The following SLC9A9 variants were observed in gnomAD, a reference collection of about 807,000 sequenced individuals.
The protein encoded by SLC9A9 is sodium/hydrogen exchanger 9.
In SLC9A9, 62 loss-of-function variants were observed where a neutral mutation model predicts 77.8. That is an observed-to-expected ratio of 0.80 (90% CI 0.65 to 0.98). The LOEUF (loss-of-function observed/expected upper bound fraction) is 0.98, where lower values mean the gene tolerates loss of function less well. SLC9A9 is among the 50% of genes least tolerant of loss of function. The pLI, the probability that SLC9A9 is intolerant of heterozygous loss-of-function variation, is 0.00. For missense variants in SLC9A9, 775 were observed against 774.9 expected (o/e 1.00, Z 0.00); for synonymous variants, 320 against 283.5 (o/e 1.13, Z -1.29).
At chr3:143,814,176 G>A (rs1446749678) in intron 2 of SLC9A9, among the ~76,000 whole-genome samples, 2 of 152,140 alleles carry the variant, frequency 1.3e-5, no homozygotes, top group Non-Finnish European at 2.9e-5. Flanking sequence ...GGCTGAGGAG[G>A]AGCTGACTCA....
chr3:143,374,082 A>G (rs1313633718), intron 13 of SLC9A9, among the ~76,000 whole-genome samples: 1 of 152,142 alleles, frequency 6.6e-6, no homozygotes, highest in Non-Finnish European at 1.5e-5. Flanking sequence ...GACAGAGCAT[A>G]TTATGTTCCA....
At chr3:143,503,708 C>T in intron 9 of SLC9A9, 1 of 374,672 alleles carries the variant, frequency 2.7e-6, no homozygotes, top group Non-Finnish European at 5.2e-6. Flanking sequence ...CCGGAGCGGC[C>T]ACCCATGGTC....
intron 14 of SLC9A9, among the ~76,000 whole-genome samples, chr3:143,315,461 T>C (rs1405065420): frequency 1.3e-5 from 2 of 152,236 alleles, no homozygotes; most frequent in African/African-American, 2.4e-5. Flanking sequence ...CTATGTGGCA[T>C]GACCAAACAA....
At chr3:143,325,077 G>GAAAAA (rs74269489) in intron 14 of SLC9A9, among the ~76,000 whole-genome samples, 1 of 77,960 alleles carries the variant, frequency 1.3e-5, no homozygotes, top group South Asian at 4.6e-4. Flanking sequence ...TTATTAACCA[G>GAAAAA]AAAAAAAAAA....
intron 8 of SLC9A9, among the ~76,000 whole-genome samples, chr3:143,567,688 A>G (rs1025135683): frequency 6.6e-6 from 1 of 152,194 alleles, no homozygotes; most frequent in African/African-American, 2.4e-5. Context: ...TTGAAGCAAA[A>G]GATGATCAAA....
chr3:143,703,838 G>A (rs939816158), intron 4 of SLC9A9, among the ~76,000 whole-genome samples: 2 of 151,960 alleles, frequency 1.3e-5, no homozygotes, highest in Non-Finnish European at 2.9e-5. Flanking sequence ...AAAAGAGAAT[G>A]AAGACTCAAA....
intron 14 of SLC9A9, among the ~76,000 whole-genome samples, chr3:143,338,711 T>C (rs2032001444): frequency 6.6e-6 from 1 of 152,116 alleles, no homozygotes; most frequent in South Asian, 2.1e-4. Flanking sequence ...AAAAACAACT[T>C]AAAGCTGCCT....
intron 14 of SLC9A9, among the ~76,000 whole-genome samples, chr3:143,312,534 A>G (rs1205196069): frequency 6.6e-6 from 1 of 152,218 alleles, no homozygotes; most frequent in African/African-American, 2.4e-5. Context: ...GTGAGATGGG[A>G]TCCAGTGAAG....
At chr3:143,677,823 C>CTTTT (rs553429664) in intron 5 of SLC9A9, among the ~76,000 whole-genome samples, 19 of 110,270 alleles carry the variant, frequency 1.7e-4, no homozygotes, top group African/African-American at 6.1e-4. Context: ...TCTTCAGAGT[C>CTTTT]TTTTTTTTTT....
chr3:143,393,969 A>C (rs1450325184), intron 12 of SLC9A9, among the ~76,000 whole-genome samples: 3 of 152,106 alleles, frequency 2.0e-5, no homozygotes, highest in African/African-American at 7.3e-5. Flanking sequence ...ACAGCTTACC[A>C]ACCAAAAAAA....
At chr3:143,639,822 T>C (rs1041266106) in intron 6 of SLC9A9, among the ~76,000 whole-genome samples, 1 of 152,142 alleles carries the variant, frequency 6.6e-6, no homozygotes, top group African/African-American at 2.4e-5. Flanking sequence ...GGCCTGCCTA[T>C]GGGAAAGGCT....
chr3:143,351,039 G>A (rs1205772432), intron 14 of SLC9A9, among the ~76,000 whole-genome samples: 1 of 152,160 alleles, frequency 6.6e-6, no homozygotes, highest in Admixed American at 6.5e-5. Flanking sequence ...TAGGGGAAAG[G>A]CCTGAGGGTT....
At chr3:143,645,679 T>A (rs2038694314) in intron 6 of SLC9A9, among the ~76,000 whole-genome samples, 1 of 152,176 alleles carries the variant, frequency 6.6e-6, no homozygotes, top group Non-Finnish European at 1.5e-5. Flanking sequence ...GTGCCAAGCG[T>A]TCACTGGTAT....
chr3:143,524,214 G>A (rs564827980), intron 9 of SLC9A9, among the ~76,000 whole-genome samples: 5 of 151,762 alleles, frequency 3.3e-5, no homozygotes, highest in African/African-American at 1.2e-4. Flanking sequence ...CTAACAGCCT[G>A]AAGAAACAAA....
At chr3:143,449,857 A>ATATATATAAAATATATATAAT (rs1474844674) in intron 12 of SLC9A9, among the ~76,000 whole-genome samples, 16 of 25,186 alleles carry the variant, frequency 6.4e-4, no homozygotes, top group African/African-American at 3.5e-3. Flanking sequence ...ATATATAATT[A>ATATATATAAAATATATATAAT]TATATATAAA....
chr3:143,749,086 A>G (rs1464444782), intron 4 of SLC9A9, among the ~76,000 whole-genome samples: 1 of 152,190 alleles, frequency 6.6e-6, no homozygotes, highest in African/African-American at 2.4e-5. Context: ...TAAAGGTGCA[A>G]ATATAGACTA....
chr3:143,321,674 G>A (rs896721137), intron 14 of SLC9A9, among the ~76,000 whole-genome samples: 1 of 152,206 alleles, frequency 6.6e-6, no homozygotes, highest in African/African-American at 2.4e-5. Flanking sequence ...GGTCCAAAGA[G>A]TCAGCTGAAA....
intron 2 of SLC9A9, among the ~76,000 whole-genome samples, chr3:143,808,992 T>C (rs573822970): frequency 6.6e-6 from 1 of 152,352 alleles, no homozygotes; most frequent in Admixed American, 6.5e-5. Context: ...TGAGGAAAGA[T>C]CTTAATTTTT....
At chr3:143,287,103 G>T (rs1165844623) in intron 14 of SLC9A9, among the ~76,000 whole-genome samples, 1 of 136,474 alleles carries the variant, frequency 7.3e-6, no homozygotes, top group Non-Finnish European at 1.7e-5. Context: ...GGTCCCACTT[G>T]TGTGTGTGTG....
Sources: allele counts gnomAD v4.1 joint callset (sites outside exome capture counted in the v4.1 genomes callset), GRCh38; gene constraint gnomAD v4.1.1; transcripts MANE v1.5; gene names NCBI Gene and HGNC (gene_info 2026-07-23, HGNC 2026-07-21).